The following BBS4 variants were observed in gnomAD, a reference collection of about 807,000 sequenced individuals.
The protein encoded by BBS4 is BBSome complex member BBS4.
A neutral mutation model predicts 71.4 loss-of-function variants in BBS4; 58 were observed. The ratio of observed to expected loss-of-function variants is 0.81; its 90% CI spans 0.66 to 1.01. The LOEUF (loss-of-function observed/expected upper bound fraction) is 1.01. Among genes scored for constraint, BBS4 ranks in the 50% least tolerant of loss-of-function variants. The pLI, the probability that BBS4 is intolerant of heterozygous loss-of-function variation, is 0.00. For missense variants in BBS4, 660 were observed against 607.9 expected, an observed-to-expected ratio of 1.09 and a Z score of -0.90; for synonymous variants, 228 against 216.8, an observed-to-expected ratio of 1.05 and a Z score of -0.46.
At chr15:72,704,869 G>A (rs555705047) in intron 2 of BBS4, among the ~76,000 whole-genome samples, 2 of 151,568 alleles carry the variant, frequency 1.3e-5, no homozygotes, top group Non-Finnish European at 2.9e-5. Context: ...GACAGAACTC[G>A]ACTCCATCTC....
intron 6 of BBS4, 29 bp downstream of exon 6, chr15:72,716,879 A>G (rs1427814088): frequency 6.6e-7 from 1 of 1,505,398 alleles, no homozygotes; most frequent in East Asian, 2.3e-5. Flanking sequence ...GTTCTTTCTT[A>G]TTAGTAAACT....
Position 72,735,882 on chromosome 15 carries a change from G to C in BBS4, c.1164G>C (p.Lys388Asn), listed in dbSNP as rs1209829886. ...YAVLLYNQGE[K>N]KNALAQYQEM... ...TGCTGCTGTACAACCAGGGCGAGAA[G>C]AAGAACGCCCTGGCCCAATATCAGG... The change falls in exon 14 of 16, where the codon AAG becomes AAC. Residue 388 changes from lysine to asparagine, a missense_variant. Transcript: ENST00000268057. The C allele has an allele frequency of 6.2e-7, 1 of 1,613,956 alleles. No homozygotes were observed. The highest frequency in any genetic ancestry group is 8.5e-7 in the Non-Finnish European group (1 of 1,179,972).
chr15:72,706,017 G>A (rs1046153416), intron 2 of BBS4, among the ~76,000 whole-genome samples: 4 of 151,984 alleles, frequency 2.6e-5, no homozygotes, highest in African/African-American at 9.7e-5. Context: ...AACTCAAAAG[G>A]GTTCAGTGCC....
chr15:72,709,858 G>A, intron 3 of BBS4, 79 bp downstream of exon 3: 1 of 1,170,186 alleles, frequency 8.5e-7, no homozygotes, highest in Non-Finnish European at 1.3e-6. Flanking sequence ...AACAGAGTGT[G>A]GCAGTTTATA....
intron 2 of BBS4, among the ~76,000 whole-genome samples, chr15:72,702,081 C>T (rs1403670221): frequency 2.6e-5 from 4 of 151,668 alleles, no homozygotes; most frequent in Admixed American, 1.3e-4. Context: ...CTCTTGACCT[C>T]GTGATCTGCC....
At position 72,736,882 on chromosome 15, in the gene BBS4, A is replaced by C. The variant is rs773209808; in HGVS notation, c.1369A>C (p.Ser457Arg). The change falls in exon 15 of 16, where the codon AGT (serine) becomes CGT (arginine). Residue 457 changes from serine to arginine, a missense_variant. Coordinates refer to ENST00000268057, the MANE Select transcript of BBS4 (RefSeq NM_033028.5). ...HQTTSTSKPA[S>R]FQQPLGSNQA... Reference sequence around the variant, plus strand: ...GACCACTTCAACCAGCAAACCTGCCAGTTTCCAGCAGCCTCTGGGCTCTAA... The same window carrying C: ...GACCACTTCAACCAGCAAACCTGCCCGTTTCCAGCAGCCTCTGGGCTCTAA... 6.2e-7 allele frequency: 1 copy of C among 1,614,250 alleles called. No individual in the cohort carries two copies. Among genetic ancestry groups the C allele is most frequent in the Non-Finnish European group, 8.5e-7 (1 of 1,180,044 alleles).
chr15:72,688,228 A>G lies in BBS4; in HGVS notation c.24+1977A>G, dbSNP rs971045801. The stretch of plus-strand genomic sequence containing the variant: ...AATTGTCATGTACATTTGAATGTCT[A>G]ATACTGTTTTAAAGAGAATAGCTTT... On this transcript the variant is annotated intron_variant, in intron 1 of 15. Transcript: ENST00000268057. Among the ~76,000 whole-genome samples, 5 of 151,874 alleles carry G rather than the reference A, an allele frequency of 3.3e-5. No homozygotes were observed. In the East Asian group the frequency reaches 7.7e-4, roughly 23 times the overall value.
At chr15:72,704,162 G>A (rs1595916063) in intron 2 of BBS4, among the ~76,000 whole-genome samples, 1 of 152,310 alleles carries the variant, frequency 6.6e-6, no homozygotes, top group East Asian at 1.9e-4. Flanking sequence ...GAGGGGTAGT[G>A]TGGCAGCTGG....
chr15:72,696,760 G>T (rs2065083775), intron 2 of BBS4, among the ~76,000 whole-genome samples: 1 of 151,584 alleles, frequency 6.6e-6, no homozygotes, highest in Non-Finnish European at 1.5e-5. Flanking sequence ...TAATTTTTAT[G>T]TATTTTTTTT....
chr15:72,688,161 G>A (rs1313628994), intron 1 of BBS4, among the ~76,000 whole-genome samples: 1 of 151,328 alleles, frequency 6.6e-6, no homozygotes, highest in Non-Finnish European at 1.5e-5. Context: ...CTCATCACAA[G>A]TGTTTGTGTA....
rs2065933852 is a variant in BBS4, at chr15:72,736,817, T to C, written c.1304T>C (p.Val435Ala). 6.2e-7 allele frequency: 1 copy of C among 1,614,192 alleles called. No individual in the cohort carries two copies. The highest frequency in any genetic ancestry group is 8.5e-7 in the Non-Finnish European group (1 of 1,180,030). ...GCTCTCCAGGTTGGGGAGGCACTGG[T>C]CTGGACCAAACCAGTTAAAGATCCC... is the stretch of plus-strand genomic sequence containing the variant. Reference protein sequence around the residue: ...GAALQVGEALVWTKPVKDPKS... With the variant: ...GAALQVGEALAWTKPVKDPKS... The change falls in exon 15 of 16, where the codon GTC (valine) becomes GCC (alanine). Residue 435 changes from valine to alanine, a missense_variant. Transcript: ENST00000268057.
At chr15:72,737,195 G>A (rs1441698464) in intron 15 of BBS4, 13 of 621,766 alleles carry the variant, frequency 2.1e-5, no homozygotes, top group Non-Finnish European at 3.4e-5. Context: ...CTATACACTG[G>A]TCTTTCCAAT....
At chr15:72,696,527 T>C (rs954369007) in intron 2 of BBS4, among the ~76,000 whole-genome samples, 1 of 152,208 alleles carries the variant, frequency 6.6e-6, no homozygotes, top group Non-Finnish European at 1.5e-5. Context: ...CATTCCCAAT[T>C]GCGGGCAGCC....
intron 2 of BBS4, among the ~76,000 whole-genome samples, chr15:72,699,678 A>AT (rs1302914231): frequency 3.3e-5 from 5 of 152,144 alleles, no homozygotes; most frequent in Non-Finnish European, 4.4e-5. Context: ...GCCTGTATAA[A>AT]TTGATTTTGA....
intron 4 of BBS4, among the ~76,000 whole-genome samples, chr15:72,712,762 T>C (rs991668812): frequency 2.6e-5 from 4 of 152,250 alleles, no homozygotes; most frequent in African/African-American, 9.6e-5. Context: ...AGGACATTAT[T>C]GTATACTAAT....
At chr15:72,688,046 CAAAAAAAAA>C (rs199931617) in intron 1 of BBS4, among the ~76,000 whole-genome samples, 1 of 84,890 alleles carries the variant, frequency 1.2e-5, no homozygotes, top group African/African-American at 3.4e-5. Context: ...GACTCCGTCT[CAAAAAAAAA>C]AAAAAAAAAA....
rs58644289 is a variant in BBS4, at chr15:72,688,411, C to CTTTTTTTTT, written c.24+2172_24+2180dup. On this transcript the variant is annotated intron_variant, in intron 1 of 15. Coordinates refer to ENST00000268057, the MANE Select transcript of BBS4 (RefSeq NM_033028.5). ...GTCCTTTTAGGAAGTGGTATTTTAT[C>CTTTTTTTTT]TTTTTTTTTTTTTTTTTTTTGAGAC... Among the ~76,000 whole-genome samples, 594 of 83,044 alleles carry CTTTTTTTTT rather than the reference C, an allele frequency of 7.2e-3. 70 individuals carry two copies. Among genetic ancestry groups the CTTTTTTTTT allele is most frequent in the Middle Eastern group, 0.025 (2 of 80 alleles). 54.5% of individuals were successfully genotyped at this position (83,044 alleles called of 152,430 possible).
intron 13 of BBS4, 136 bp downstream of exon 13, chr15:72,735,318 TGTG>T: frequency 1.4e-6 from 1 of 705,384 alleles, no homozygotes; most frequent in South Asian, 1.5e-5. Context: ...CAGACCTCAG[TGTG>T]GAGGGATGTG....
At chr15:72,728,135 A>C in intron 9 of BBS4, 141 bp downstream of exon 9, 1 of 658,410 alleles carries the variant, frequency 1.5e-6, no homozygotes, top group South Asian at 1.7e-5. Flanking sequence ...TCTATTCGAT[A>C]CTCTTTGCTA....
Sources: allele counts gnomAD v4.1 joint callset (sites outside exome capture counted in the v4.1 genomes callset), GRCh38; gene constraint gnomAD v4.1.1; transcripts MANE v1.5; gene names NCBI Gene and HGNC (gene_info 2026-07-23, HGNC 2026-07-21).